Variants in SHANK2 observed in about 807,000 individuals in gnomAD.
SHANK2 encodes the protein SH3 and multiple ankyrin repeat domains 2, also known as SH3 and multiple ankyrin repeat domains protein 2.
A neutral mutation model predicts 133.7 loss-of-function variants in SHANK2; 43 were observed. That is an observed-to-expected ratio of 0.32 (90% CI 0.25 to 0.41). The LOEUF (loss-of-function observed/expected upper bound fraction) is 0.41. Among genes scored for constraint, SHANK2 ranks in the 10% least tolerant of loss-of-function variants. The probability of loss-of-function intolerance (pLI) is 1.00; values close to 1 mark genes in which losing one functional copy is unlikely to be tolerated. For synonymous variants in SHANK2, 1,017 were observed against 952.8 expected, an observed-to-expected ratio of 1.07 and a Z score of -1.24; for missense variants, 1,994 against 2,235.8, an observed-to-expected ratio of 0.89 and a Z score of 2.18.
intron 14 of SHANK2, among the ~76,000 whole-genome samples, chr11:70,721,825 C>A (rs1487084591): frequency 6.6e-6 from 1 of 152,258 alleles, no homozygotes; most frequent in Non-Finnish European, 1.5e-5. Context: ...AGAAGCACAG[C>A]GTGTTTTGAG....
rs1473269606 is a variant in SHANK2 at position 70,486,024 on chromosome 11, G to A, written c.4269C>T (p.Ile1423=). The A allele has an allele frequency of 6.2e-7, 1 of 1,614,092 alleles. No individual in the cohort carries two copies. Among genetic ancestry groups the A allele is most frequent in the Admixed American group, 1.7e-5 (1 of 60,018 alleles). The change falls in exon 25 of 26, where the codon ATC becomes ATT. Residue 1423 remains isoleucine, a synonymous_variant. Transcript: ENST00000601538. This position sits in a 1 kb window ranked among gnomAD's most constrained non-coding sequence, Gnocchi z 8.0. The stretch of plus-strand genomic sequence containing the variant: ...GGACAGAAGCTGCCCGGTCATCGGG[G>A]ATATCAAAACTATTTGCAAATTCCA... The part of the protein sequence containing the change: ...PPLEFANSFD[I]PDDRAASVPA...
At chr11:70,928,968 C>A (rs1555082067) in intron 10 of SHANK2, among the ~76,000 whole-genome samples, 3 of 152,106 alleles carry the variant, frequency 2.0e-5, no homozygotes, top group African/African-American at 7.2e-5. Context: ...GTAATGCAGA[C>A]CCTGGGGGAG....
At chr11:70,920,786 G>A (rs1555080579) in intron 10 of SHANK2, among the ~76,000 whole-genome samples, 1 of 152,220 alleles carries the variant, frequency 6.6e-6, no homozygotes, top group Non-Finnish European at 1.5e-5. Flanking sequence ...TAAACCAAAA[G>A]AAGAGTGATG....
intron 11 of SHANK2, among the ~76,000 whole-genome samples, chr11:70,835,656 C>T (rs1002369485): frequency 7.9e-5 from 12 of 152,184 alleles, no homozygotes; most frequent in African/African-American, 2.9e-4. Flanking sequence ...CATTCTCTTT[C>T]CACAGGACCT....
At chr11:70,899,211 G>A (rs1051576939) in intron 10 of SHANK2, among the ~76,000 whole-genome samples, 1 of 152,118 alleles carries the variant, frequency 6.6e-6, no homozygotes, top group Non-Finnish European at 1.5e-5. Flanking sequence ...GGGACCCGGC[G>A]GGAGGTAACT....
chr11:70,513,608 G>A (rs1159775534), intron 17 of SHANK2, among the ~76,000 whole-genome samples: 1 of 152,158 alleles, frequency 6.6e-6, no homozygotes, highest in Non-Finnish European at 1.5e-5. Context: ...ATCAGAGAAG[G>A]ACTTTAAAAA....
chr11:70,602,214 C>T (rs1406590893), intron 17 of SHANK2, among the ~76,000 whole-genome samples: 3 of 152,210 alleles, frequency 2.0e-5, no homozygotes, highest in African/African-American at 7.2e-5. Context: ...TCCCCAGAAG[C>T]AGATACAGGC....
intron 17 of SHANK2, among the ~76,000 whole-genome samples, chr11:70,627,664 G>C (rs2060922433): frequency 6.6e-6 from 1 of 152,196 alleles, no homozygotes; most frequent in African/African-American, 2.4e-5. Flanking sequence ...ATATATCCTG[G>C]AGATGGGACC....
intron 17 of SHANK2, among the ~76,000 whole-genome samples, chr11:70,539,369 A>G (rs1591552585): frequency 1.3e-5 from 2 of 152,338 alleles, no homozygotes; most frequent in East Asian, 1.9e-4. Flanking sequence ...AATGAAGAAC[A>G]TTTTAGAACA....
In SHANK2 at chr11:70,546,579, C is replaced by T. The variant is rs75329347; in HGVS notation, c.2062-43648G>A. 4.2e-4 allele frequency among the ~76,000 whole-genome samples: 64 copies of T among 152,278 alleles called. 1 individual carries two copies. The East Asian group carries it at 0.012, about 28-fold the overall frequency. The stretch of plus-strand genomic sequence containing the variant: ...TCATTGGTCAGTCTTTCCTCAAGAT[C>T]GAGACCCTCCCAGCTTCCCTGACCC... On this transcript the variant is annotated intron_variant, in intron 17 of 25. Transcript: ENST00000601538.
intron 2 of SHANK2, among the ~76,000 whole-genome samples, chr11:71,217,487 G>C (rs913139727): frequency 6.6e-6 from 1 of 151,904 alleles, no homozygotes; most frequent in African/African-American, 2.4e-5. Context: ...CTGGGCAACA[G>C]AGCAAGACTC....
At chr11:70,691,250 C>G in intron 15 of SHANK2, among the ~76,000 whole-genome samples, 1 of 152,170 alleles carries the variant, frequency 6.6e-6, no homozygotes, top group African/African-American at 2.4e-5. Context: ...CCCAGGGAAA[C>G]AGCAGGAGGA....
Position 71,175,548 on chromosome 11 carries a change from GAGGGAGAGAGA to G in SHANK2, c.-12-28221_-12-28211del, listed in dbSNP as rs1565496238. On this transcript the variant is annotated intron_variant, in intron 2 of 25. Transcript: ENST00000601538. This position sits in a 1 kb window ranked among gnomAD's most constrained non-coding sequence, Gnocchi z 4.2. ...AGACAGACAGACAGAGGGAGAGGGA[GAGGGAGAGAGA>G]GAGAGAGAGAGAGAGAGAGAGAGAG... is the stretch of plus-strand genomic sequence containing the variant. Among the ~76,000 whole-genome samples, 7 of 12,668 alleles carry G rather than the reference GAGGGAGAGAGA, an allele frequency of 5.5e-4. No homozygotes were observed. Among genetic ancestry groups the G allele is most frequent in the Non-Finnish European group, 9.0e-4 (3 of 3,348 alleles). 8.3% of individuals were successfully genotyped at this position (12,668 alleles called of 152,430 possible). A position where few individuals can be genotyped will look rare whatever the true frequency, so the allele number is the denominator to read the frequency against.
intron 2 of SHANK2, among the ~76,000 whole-genome samples, chr11:71,184,483 C>T (rs1953632564): frequency 6.6e-6 from 1 of 152,288 alleles, no homozygotes; most frequent in Middle Eastern, 3.4e-3. Context: ...GATGGTTCAA[C>T]AATACTGAAG....
intron 17 of SHANK2, among the ~76,000 whole-genome samples, chr11:70,567,490 G>C (rs1380928492): frequency 6.6e-6 from 1 of 152,098 alleles, no homozygotes; most frequent in East Asian, 1.9e-4. Flanking sequence ...AGCCGGGTGT[G>C]GTGGCGGGTG....
chr11:70,486,870 C>G lies in SHANK2; in HGVS notation c.3423G>C (p.Leu1141=), dbSNP rs782093011. The change falls in exon 25 of 26, where the codon CTG becomes CTC. Residue 1141 remains leucine, a synonymous_variant. Coordinates refer to ENST00000601538, the MANE Select transcript of SHANK2 (RefSeq NM_012309.5). This position sits in a 1 kb window ranked among gnomAD's most constrained non-coding sequence, Gnocchi z 8.0. ...DFADEDSAEQ[L]SSPMPSATPR... The stretch of plus-strand genomic sequence containing the variant: ...GCGTGGCACTCGGCATGGGGGATGA[C>G]AGCTGCTCAGCGCTGTCCTCGTCAG... 1 of 1,612,752 alleles carries G rather than the reference C, an allele frequency of 6.2e-7. No individual in the cohort carries two copies. Among genetic ancestry groups the G allele is most frequent in the African/African-American group, 1.3e-5 (1 of 75,048 alleles).
chr11:70,739,786 C>T lies in SHANK2; in HGVS notation c.1778-41023G>A, dbSNP rs1946482080. On this transcript the variant is annotated intron_variant, in intron 14 of 25. Coordinates refer to ENST00000601538, the MANE Select transcript of SHANK2 (RefSeq NM_012309.5). The surrounding 1 kb of genome is among the most constrained non-coding windows in gnomAD (Gnocchi z 4.3). ...GTTAAAACGAGGTACTGTGATGGGC[C>T]CTCATCCAGCATGACAGTGTCTTTG... is the stretch of plus-strand genomic sequence containing the variant. Among the ~76,000 whole-genome samples the T allele has an allele frequency of 1.3e-5, 2 of 152,290 alleles. No individual in the cohort carries two copies. The highest frequency in any genetic ancestry group is 4.1e-4 in the South Asian group (2 of 4,830).
At chr11:71,220,399 T>C (rs1449910494) in intron 2 of SHANK2, among the ~76,000 whole-genome samples, 5 of 152,068 alleles carry the variant, frequency 3.3e-5, no homozygotes, top group African/African-American at 9.7e-5. Flanking sequence ...TAAAAAACCA[T>C]ATGAACCTGC....
At chr11:70,581,244 G>A (rs2060180900) in intron 17 of SHANK2, among the ~76,000 whole-genome samples, 1 of 152,218 alleles carries the variant, frequency 6.6e-6, no homozygotes, top group Non-Finnish European at 1.5e-5. Flanking sequence ...CTGACTGGCT[G>A]TTCCAGTACC....
Sources: allele counts gnomAD v4.1 joint callset (sites outside exome capture counted in the v4.1 genomes callset), GRCh38; gene constraint gnomAD v4.1.1; non-coding constraint Gnocchi (gnomAD v3.1); transcripts MANE v1.5; gene names NCBI Gene and HGNC (gene_info 2026-07-23, HGNC 2026-07-21).